Variants in STX8 observed in about 807,000 individuals in gnomAD.
STX8 encodes syntaxin-8.
Under a neutral mutation model 37.5 loss-of-function variants are expected in STX8, and 23 were observed. That is an observed-to-expected ratio of 0.61 (90% CI 0.44 to 0.87). The LOEUF is 0.87. Ranked by LOEUF, STX8 falls within the 40% of genes least tolerant of loss-of-function variation. The probability of loss-of-function intolerance (pLI) is 0.00; values close to 1 mark genes in which losing one functional copy is unlikely to be tolerated. For missense variants in STX8, 313 were observed against 284.7 expected, an observed-to-expected ratio of 1.10 and a Z score of -0.71; for synonymous variants, 115 against 99.1, an observed-to-expected ratio of 1.16 and a Z score of -0.95.
intron 7 of STX8, among the ~76,000 whole-genome samples, chr17:9,274,744 C>CTTTTTTTTTTTTTTTTTTTT (rs201550065): frequency 1.1e-5 from 1 of 88,884 alleles, no homozygotes; most frequent in African/African-American, 3.7e-5. Context: ...ACAACAATTT[C>CTTTTTTTTTTTTTTTTTTTT]TTTTTTCTTT....
At chr17:9,476,758 T>C (rs1906124663) in intron 6 of STX8, among the ~76,000 whole-genome samples, 1 of 151,648 alleles carries the variant, frequency 6.6e-6, no homozygotes, top group East Asian at 1.9e-4. Context: ...CAGCCAGAGG[T>C]CATTTCTTCT....
chr17:9,444,409 A>T (rs1410785660), intron 6 of STX8, among the ~76,000 whole-genome samples: 2 of 152,196 alleles, frequency 1.3e-5, no homozygotes, highest in Non-Finnish European at 2.9e-5. Context: ...CACAATCAGT[A>T]CGACAAATCA....
intron 7 of STX8, among the ~76,000 whole-genome samples, chr17:9,321,219 T>TA (rs932118873): frequency 6.6e-6 from 1 of 152,020 alleles, no homozygotes; most frequent in African/African-American, 2.4e-5. Context: ...AATCAATAGG[T>TA]AATGTCTAAA....
intron 6 of STX8, among the ~76,000 whole-genome samples, chr17:9,465,780 C>T (rs1054265152): frequency 1.3e-5 from 2 of 152,070 alleles, no homozygotes; most frequent in African/African-American, 4.8e-5. Context: ...TGCACTGAGC[C>T]CTGCATATAC....
intron 4 of STX8, among the ~76,000 whole-genome samples, chr17:9,506,663 C>T (rs1246390230): frequency 6.6e-6 from 1 of 152,030 alleles, no homozygotes. Flanking sequence ...TTCCCACCTG[C>T]CCCCACTGCC....
At chr17:9,482,193 T>C (rs1446038881) in intron 6 of STX8, among the ~76,000 whole-genome samples, 2 of 152,104 alleles carry the variant, frequency 1.3e-5, no homozygotes, top group African/African-American at 4.8e-5. Context: ...TATTTTTTTT[T>C]AATCGTCTTA....
rs1311443977 is a variant in STX8 at position 9,327,291 on chromosome 17, A to G, written c.643+51261T>C. Among the ~76,000 whole-genome samples the G allele has an allele frequency of 1.6e-3, 233 of 148,078 alleles. 3 individuals are homozygous for G. The highest frequency in any genetic ancestry group is 5.4e-3 in the African/African-American group (206 of 38,196). On this transcript the variant is annotated intron_variant, in intron 7 of 7. Transcript: ENST00000306357. ...AGGAAGGAGGAAGAAGGAAGAAAGA[A>G]GAAGAAGAAAGAAAGAAGAAGAAGG... is the stretch of plus-strand genomic sequence containing the variant.
intron 7 of STX8, among the ~76,000 whole-genome samples, chr17:9,365,241 C>G (rs1223536823): frequency 6.6e-6 from 1 of 152,234 alleles, no homozygotes; most frequent in Non-Finnish European, 1.5e-5. Context: ...TCAGGCTTCT[C>G]TTAAACAAAT....
intron 7 of STX8, among the ~76,000 whole-genome samples, chr17:9,264,120 G>A (rs941591597): frequency 7.2e-5 from 11 of 152,208 alleles, no homozygotes; most frequent in African/African-American, 2.4e-4. Flanking sequence ...CTGAGATCAT[G>A]AGAAGACAGA....
At chr17:9,287,062 G>A (rs909495260) in intron 7 of STX8, among the ~76,000 whole-genome samples, 4 of 152,050 alleles carry the variant, frequency 2.6e-5, no homozygotes, top group African/African-American at 9.7e-5. Context: ...ATCTCTCCCC[G>A]CTCCCCAAAC....
chr17:9,570,949 G>C (rs1022141257), intron 1 of STX8, among the ~76,000 whole-genome samples: 1 of 151,960 alleles, frequency 6.6e-6, no homozygotes, highest in African/African-American at 2.4e-5. Flanking sequence ...AAGACAGGGC[G>C]AGCAAAGATG....
Position 9,505,140 on chromosome 17 carries a change from C to T in STX8, c.346G>A (p.Ala116Thr). Residue 116 changes from alanine to threonine, a missense_variant, in exon 5 of 8, where the codon GCT becomes ACT. Coordinates refer to ENST00000306357, the MANE Select transcript of STX8 (RefSeq NM_004853.3). ...CAAGGGTTGGGTGCTCCTCGCTTAG[C>T]CTCTTCACTCATCAGGCTGGACCTA... ...LIRSSLMSEEAKRGAPNPWLF... is the reference protein window; with the variant it reads ...LIRSSLMSEETKRGAPNPWLF... 6.2e-7 allele frequency: 1 copy of T among 1,613,904 alleles called. No homozygotes were observed. The highest frequency in any genetic ancestry group is 8.5e-7 in the Non-Finnish European group (1 of 1,179,966).
intron 6 of STX8, among the ~76,000 whole-genome samples, chr17:9,444,255 T>C (rs988920129): frequency 6.6e-6 from 1 of 152,188 alleles, no homozygotes; most frequent in African/African-American, 2.4e-5. Flanking sequence ...TCCCAAAGCA[T>C]TGGGATTACA....
chr17:9,517,066 T>C (rs977018192), intron 4 of STX8, among the ~76,000 whole-genome samples: 1 of 152,206 alleles, frequency 6.6e-6, no homozygotes, highest in African/African-American at 2.4e-5. Flanking sequence ...AATTGTGAAT[T>C]AGATTTTTTC....
At chr17:9,285,171 A>G (rs1356436935) in intron 7 of STX8, among the ~76,000 whole-genome samples, 1 of 152,048 alleles carries the variant, frequency 6.6e-6, no homozygotes, top group Non-Finnish European at 1.5e-5. Context: ...TTGCCCACGA[A>G]TCACAGGTTG....
intron 7 of STX8, among the ~76,000 whole-genome samples, chr17:9,342,565 T>C (rs1339046414): frequency 2.0e-5 from 3 of 152,158 alleles, no homozygotes; most frequent in Non-Finnish European, 4.4e-5. Context: ...AGAACAGTGG[T>C]GCCAAACACA....
intron 7 of STX8, among the ~76,000 whole-genome samples, chr17:9,255,557 T>TATATAAATAA (rs1567756297): frequency 4.6e-5 from 5 of 109,790 alleles, no homozygotes; most frequent in South Asian, 6.0e-4. Context: ...TAAATAAATA[T>TATATAAATAA]ATAAATAAAT....
intron 7 of STX8, among the ~76,000 whole-genome samples, chr17:9,283,904 T>A (rs976313782): frequency 1.1e-4 from 17 of 152,342 alleles, no homozygotes; most frequent in African/African-American, 4.1e-4. Flanking sequence ...AGCCAGCAAT[T>A]ACAGTACTGG....
intron 6 of STX8, among the ~76,000 whole-genome samples, chr17:9,476,192 A>G (rs1906096784): frequency 6.6e-6 from 1 of 152,186 alleles, no homozygotes; most frequent in African/African-American, 2.4e-5. Context: ...AAACAAAACA[A>G]AACGAAACCT....
Sources: allele counts gnomAD v4.1 joint callset (sites outside exome capture counted in the v4.1 genomes callset), GRCh38; gene constraint gnomAD v4.1.1; transcripts MANE v1.5; gene names NCBI Gene and HGNC (gene_info 2026-07-23, HGNC 2026-07-21).